Variants in CBLB observed in about 807,000 individuals in gnomAD.
CBLB encodes the protein Cbl proto-oncogene B.
A neutral mutation model predicts 104.9 loss-of-function variants in CBLB; 31 were observed. That is an observed-to-expected ratio of 0.30 (90% CI 0.22 to 0.40). CBLB has a LOEUF of 0.40. Ranked by LOEUF, CBLB falls within the 10% of genes least tolerant of loss-of-function variation. The pLI is 1.00. For missense variants in CBLB, 1,062 were observed against 1,214.6 expected (o/e 0.87, Z 1.87); for synonymous variants, 440 against 422.6 (o/e 1.04, Z -0.51).
chr3:105,837,584 AC>A (rs2088752132), intron 3 of CBLB, among the ~76,000 whole-genome samples: 2 of 152,212 alleles, frequency 1.3e-5, no homozygotes, highest in Admixed American at 1.3e-4. Context: ...TCTTACAGGT[AC>A]TAAGTGTAGC....
intron 10 of CBLB, among the ~76,000 whole-genome samples, chr3:105,712,880 A>G (rs1046736060): frequency 5.3e-5 from 8 of 152,230 alleles, no homozygotes; most frequent in Non-Finnish European, 1.2e-4. Context: ...AATGCTATCA[A>G]CATCTAAAAG....
chr3:105,702,498 AACT>A (rs79982451), intron 11 of CBLB, 39 bp from the exon 12 acceptor site: 2 of 1,460,088 alleles, frequency 1.4e-6, no homozygotes, highest in Non-Finnish European at 1.8e-6. Flanking sequence ...AAAAAAAAAA[AACT>A]AAAGGTTGTA....
At chr3:105,777,493 G>A (rs745861841) in intron 3 of CBLB, among the ~76,000 whole-genome samples, 1 of 152,148 alleles carries the variant, frequency 6.6e-6, no homozygotes, top group African/African-American at 2.4e-5. Context: ...CAGGGCGTGG[G>A]AGCGCATGCC....
intron 9 of CBLB, among the ~76,000 whole-genome samples, chr3:105,731,415 A>C (rs2074299498): frequency 1.3e-5 from 2 of 152,214 alleles, no homozygotes; most frequent in South Asian, 4.1e-4. Context: ...TACAGCATAC[A>C]GTATGTCACT....
In CBLB at chr3:105,691,296, G is replaced by A. The variant is rs563534856; in HGVS notation, c.2054+2198C>T. Reference sequence around the variant, plus strand: ...ACTAATTTGCTGGCAAGCATGCACTGTTAAAATATTTCTCTAGTTAAGTGA... The same window carrying A: ...ACTAATTTGCTGGCAAGCATGCACTATTAAAATATTTCTCTAGTTAAGTGA... On this transcript the variant is annotated intron_variant, in intron 13 of 18. Coordinates refer to ENST00000394030, the MANE Select transcript of CBLB (RefSeq NM_170662.5). 4.6e-5 allele frequency among the ~76,000 whole-genome samples: 7 copies of A among 152,308 alleles called. No individual in the cohort carries two copies. In the South Asian group the frequency reaches 1.0e-3, roughly 23 times the overall value.
Position 105,777,752 on chromosome 3 carries a change from T to C in CBLB, c.420-1210A>G, listed in dbSNP as rs572640057. On this transcript the variant is annotated intron_variant, in intron 3 of 18. Transcript: ENST00000394030. ...AGTAATATGACTAAATGGTTTAGAA[T>C]GGAGATACAGGTGTCAGCTCTATTC... Among the ~76,000 whole-genome samples the C allele has an allele frequency of 7.9e-5, 12 of 152,338 alleles. No homozygotes were observed. In the South Asian group the frequency reaches 2.5e-3, roughly 32 times the overall value.
intron 4 of CBLB, among the ~76,000 whole-genome samples, chr3:105,767,873 T>C (rs2078399801): frequency 6.6e-6 from 1 of 152,162 alleles, no homozygotes; most frequent in Non-Finnish European, 1.5e-5. Context: ...AGTGAGTAAA[T>C]GTTGCAGTCA....
chr3:105,784,310 T>A (rs113450170), intron 3 of CBLB, among the ~76,000 whole-genome samples: 1 of 152,148 alleles, frequency 6.6e-6, no homozygotes, highest in African/African-American at 2.4e-5. Flanking sequence ...GTAAACACAA[T>A]GGAAAATCAT....
chr3:105,794,794 A>C (rs1348131189), intron 3 of CBLB, among the ~76,000 whole-genome samples: 2 of 152,220 alleles, frequency 1.3e-5, no homozygotes. Flanking sequence ...ATATACATAC[A>C]TTCTACCAAA....
At chr3:105,835,898 AC>A (rs1382137629) in intron 3 of CBLB, among the ~76,000 whole-genome samples, 2 of 152,224 alleles carry the variant, frequency 1.3e-5, no homozygotes, top group African/African-American at 4.8e-5. Context: ...ATAAATGCAT[AC>A]AAAGAAGGAT....
intron 3 of CBLB, among the ~76,000 whole-genome samples, chr3:105,816,796 ACTGCTGC>A (rs1412357375): frequency 6.6e-6 from 1 of 152,200 alleles, no homozygotes; most frequent in Non-Finnish European, 1.5e-5. Flanking sequence ...TGGGCCCAGC[ACTGCTGC>A]GGTGGATACC....
chr3:105,687,178 G>C (rs938850591), intron 13 of CBLB, among the ~76,000 whole-genome samples: 1 of 152,036 alleles, frequency 6.6e-6, no homozygotes, highest in African/African-American at 2.4e-5. Context: ...CCCTTTCTAT[G>C]CAATTCAAGC....
At chr3:105,674,352 A>G (rs756855046) in intron 17 of CBLB, among the ~76,000 whole-genome samples, 13 of 152,246 alleles carry the variant, frequency 8.5e-5, no homozygotes, top group Non-Finnish European at 1.8e-4. Context: ...GATTTTCTTC[A>G]TATTTTACTT....
At chr3:105,862,752 T>C (rs1172971678) in intron 2 of CBLB, among the ~76,000 whole-genome samples, 1 of 152,094 alleles carries the variant, frequency 6.6e-6, no homozygotes, top group Non-Finnish European at 1.5e-5. Flanking sequence ...AAAACCTCTA[T>C]CATCTTACCC....
rs764433510 is a variant in CBLB at position 105,751,659 on chromosome 3, A to G, written c.567-41T>C. 18 of 1,538,630 alleles carry G rather than the reference A, an allele frequency of 1.2e-5. No homozygotes were observed. The Admixed American group carries it at 2.8e-4, about 24-fold the overall frequency. ...AAAAAGGGAAATAATTGAATCAAGT[A>G]TCATTTAAGAAATACCTCCCTTTGA... On this transcript the variant is annotated intron_variant, in intron 4 of 18. Transcript: ENST00000394030.
Position 105,746,875 on chromosome 3 carries a change from C to G in CBLB, c.724-837G>C, listed in dbSNP as rs142707740. 1.0e-3 allele frequency among the ~76,000 whole-genome samples: 158 copies of G among 152,300 alleles called. 3 individuals carry two copies. Among genetic ancestry groups the G allele is most frequent in the African/African-American group, 3.4e-3 (143 of 41,560 alleles). ...CAAGTGTCAGATAATAGTAATCAGC[C>G]AGGGATAATTGTCATTGAACAGATA... is the stretch of plus-strand genomic sequence containing the variant. On this transcript the variant is annotated intron_variant, in intron 5 of 18. Transcript: ENST00000394030.
chr3:105,777,444 T>G (rs2079616445), intron 3 of CBLB, among the ~76,000 whole-genome samples: 1 of 152,110 alleles, frequency 6.6e-6, no homozygotes, highest in Admixed American at 6.5e-5. Flanking sequence ...GAGACCAGCC[T>G]CGGCAACATG....
At chr3:105,696,317 G>A (rs1438790978) in intron 12 of CBLB, among the ~76,000 whole-genome samples, 3 of 151,532 alleles carry the variant, frequency 2.0e-5, no homozygotes, top group Admixed American at 6.6e-5. Flanking sequence ...ATTTATTGAC[G>A]GTGGCTAGAG....
intron 3 of CBLB, among the ~76,000 whole-genome samples, chr3:105,840,765 C>T (rs2089423750): frequency 6.6e-6 from 1 of 151,784 alleles, no homozygotes; most frequent in Non-Finnish European, 1.5e-5. Flanking sequence ...CAATATCATT[C>T]TTATATCACA....
Sources: allele counts gnomAD v4.1 joint callset (sites outside exome capture counted in the v4.1 genomes callset), GRCh38; gene constraint gnomAD v4.1.1; transcripts MANE v1.5; gene names NCBI Gene and HGNC (gene_info 2026-07-23, HGNC 2026-07-21).